TAMM41: variants seen among roughly 807,000 people sequenced by gnomAD.
TAMM41 encodes TAM41 mitochondrial translocator assembly and maintenance homolog.
In TAMM41, 36 loss-of-function variants were observed where a neutral mutation model predicts 44.1. That is an observed-to-expected ratio of 0.82 (90% CI 0.63 to 1.08). The LOEUF (loss-of-function observed/expected upper bound fraction) is 1.08, where lower values mean the gene tolerates loss of function less well. Ranked by LOEUF, TAMM41 falls within the 50% of genes least tolerant of loss-of-function variation. The pLI is 0.00. For missense variants in TAMM41, 417 were observed against 404.3 expected, an observed-to-expected ratio of 1.03 and a Z score of -0.27; for synonymous variants, 164 against 153.1, an observed-to-expected ratio of 1.07 and a Z score of -0.53.
At chr3:11,729,310 T>A in the TAMM41 span, among the ~76,000 whole-genome samples, 1 of 152,048 alleles carries the variant, frequency 6.6e-6, no homozygotes, top group Non-Finnish European at 1.5e-5. Flanking sequence ...AAAAGCCTTT[T>A]TCAACACACT....
At chr3:11,766,397 G>A in the TAMM41 span, among the ~76,000 whole-genome samples, 1 of 151,968 alleles carries the variant, frequency 6.6e-6, no homozygotes, top group Non-Finnish European at 1.5e-5. Context: ...TGAACTTCTG[G>A]ACTCAATCAA....
At chr3:11,834,422 A>G (rs1446749424) in intron 3 of TAMM41, among the ~76,000 whole-genome samples, 4 of 152,172 alleles carry the variant, frequency 2.6e-5, no homozygotes, top group Non-Finnish European at 5.9e-5. Flanking sequence ...AAAATCCAAA[A>G]TTATGTTAAC....
the TAMM41 span, among the ~76,000 whole-genome samples, chr3:11,777,516 G>A: frequency 5.3e-5 from 8 of 152,170 alleles, no homozygotes; most frequent in Admixed American, 1.3e-4. Flanking sequence ...TCAGCAGGCC[G>A]GGTGCGGTGG....
At chr3:11,833,148 A>G (rs1363368378) in intron 3 of TAMM41, 1 of 1,284,984 alleles carries the variant, frequency 7.8e-7, no homozygotes, top group Non-Finnish European at 1.0e-6. Context: ...ACTGCCAGAG[A>G]GGCCTGGGAA....
downstream of TAMM41, among the ~76,000 whole-genome samples, chr3:11,788,406 C>T (rs1262572409): frequency 2.0e-5 from 3 of 152,134 alleles, no homozygotes; most frequent in Non-Finnish European, 1.5e-5. Flanking sequence ...GTGGTCCTCC[C>T]TCCCAAGTGG....
the TAMM41 span, among the ~76,000 whole-genome samples, chr3:11,764,280 GC>G: frequency 6.6e-6 from 1 of 151,952 alleles, no homozygotes; most frequent in Non-Finnish European, 1.5e-5. Flanking sequence ...ACAGGTGTGA[GC>G]CATGGCGCCC....
At chr3:11,747,310 C>G in the TAMM41 span, among the ~76,000 whole-genome samples, 1 of 152,176 alleles carries the variant, frequency 6.6e-6, no homozygotes. Context: ...GGTCCACCCA[C>G]CTTGGCCTCC....
At chr3:11,741,216 CAAAAAAAAAA>C in the TAMM41 span, among the ~76,000 whole-genome samples, 8 of 61,834 alleles carry the variant, frequency 1.3e-4, 1 homozygote, top group African/African-American at 6.2e-4. Flanking sequence ...GACACCGTCT[CAAAAAAAAAA>C]AAAAAAAAAA....
At chr3:11,757,202 G>C in the TAMM41 span, among the ~76,000 whole-genome samples, 1 of 152,098 alleles carries the variant, frequency 6.6e-6, no homozygotes, top group Non-Finnish European at 1.5e-5. Context: ...TTCTTTCAAG[G>C]AGCACGGTAA....
intron 3 of TAMM41, among the ~76,000 whole-genome samples, 199 bp downstream of exon 3, chr3:11,839,023 A>T (rs181394242): frequency 6.6e-4 from 100 of 152,372 alleles, no homozygotes; most frequent in African/African-American, 2.3e-3. Flanking sequence ...CCCAAGGAAA[A>T]AAACCAAATA....
At chr3:11,834,687 C>T (rs2079105832) in intron 3 of TAMM41, among the ~76,000 whole-genome samples, 1 of 152,270 alleles carries the variant, frequency 6.6e-6, no homozygotes, top group South Asian at 2.1e-4. Flanking sequence ...AAGCAAGATA[C>T]TCAAATATAT....
At chr3:11,747,471 T>TA in the TAMM41 span, among the ~76,000 whole-genome samples, 1 of 152,154 alleles carries the variant, frequency 6.6e-6, no homozygotes, top group Admixed American at 6.6e-5. Flanking sequence ...AAAATATATC[T>TA]AAATTATACT....
intron 3 of TAMM41, among the ~76,000 whole-genome samples, 187 bp downstream of exon 3, chr3:11,839,035 A>AT (rs1243103161): frequency 1.3e-5 from 2 of 152,184 alleles, no homozygotes; most frequent in Admixed American, 1.3e-4. Context: ...AACCAAATAC[A>AT]TATTTCTTCT....
At chr3:11,790,627 G>A (rs755696262) in intron 7 of TAMM41, 46 bp from the exon 8 acceptor site, 1 of 1,514,544 alleles carries the variant, frequency 6.6e-7, no homozygotes, top group East Asian at 2.2e-5. Flanking sequence ...GGCTTGTTGA[G>A]TGGATGCTCA....
the TAMM41 span, among the ~76,000 whole-genome samples, chr3:11,749,705 G>A: frequency 2.8e-4 from 43 of 152,264 alleles, 1 homozygote; most frequent in Middle Eastern, 0.01. Flanking sequence ...GATATGAAGC[G>A]GAAGGGAGGG....
chr3:11,754,823 C>T, the TAMM41 span, among the ~76,000 whole-genome samples: 7 of 150,684 alleles, frequency 4.6e-5, no homozygotes, highest in South Asian at 4.2e-4. Flanking sequence ...CTCAGCCTGC[C>T]GAGTAAGTGG....
chr3:11,794,589 T>TAAAAC (rs200604734), intron 7 of TAMM41, among the ~76,000 whole-genome samples: 2,180 of 152,350 alleles, frequency 0.014, 66 homozygotes, highest in African/African-American at 0.049. Context: ...GAATTCTGGT[T>TAAAAC]AGAATCTAAA....
the TAMM41 span, among the ~76,000 whole-genome samples, chr3:11,757,781 C>T: frequency 1.3e-5 from 2 of 152,164 alleles, no homozygotes; most frequent in Admixed American, 6.5e-5. Flanking sequence ...TGTCACCATA[C>T]CAGTGCAGGG....
At chr3:11,727,078 C>G in the TAMM41 span, among the ~76,000 whole-genome samples, 3 of 152,154 alleles carry the variant, frequency 2.0e-5, no homozygotes, top group Non-Finnish European at 4.4e-5. Context: ...ATGTTTCAGG[C>G]ACCACTCTAA....
Sources: allele counts gnomAD v4.1 joint callset (sites outside exome capture counted in the v4.1 genomes callset), GRCh38; gene constraint gnomAD v4.1.1; transcripts MANE v1.5; gene names NCBI Gene and HGNC (gene_info 2026-07-23, HGNC 2026-07-21).